POU2F1: variants seen among roughly 807,000 people sequenced by gnomAD.
The protein encoded by POU2F1 is POU class 2 homeobox 1.
POU2F1 carries 16 observed loss-of-function variants against 84.9 expected under a neutral mutation model. The ratio of observed to expected loss-of-function variants is 0.19; its 90% CI spans 0.13 to 0.29. The LOEUF (loss-of-function observed/expected upper bound fraction) is 0.29, where lower values mean the gene tolerates loss of function less well. Ranked by LOEUF, POU2F1 falls within the 10% of genes least tolerant of loss-of-function variation. The pLI is 1.00. For missense variants in POU2F1, 738 were observed against 942.6 expected, an observed-to-expected ratio of 0.78 and a Z score of 2.84; for synonymous variants, 368 against 368.3, an observed-to-expected ratio of 1.00 and a Z score of 0.01.
Position 167,374,155 on chromosome 1 carries a change from G to A in POU2F1, c.450G>A (p.Gln150=), listed in dbSNP as rs1230592840. 6.2e-7 allele frequency: 1 copy of A among 1,614,110 alleles called. No individual in the cohort carries two copies. The highest frequency in any genetic ancestry group is 2.2e-5 in the East Asian group (1 of 44,874). The change falls in exon 6 of 16, where the codon CAG becomes CAA. Residue 150 remains glutamine (Q), a synonymous_variant. Coordinates refer to ENST00000367866, the MANE Select transcript of POU2F1 (RefSeq NM_002697.4). ...AACAGTTACTACTCCAGCAGGCACA[G>A]GCACAGGCACAGCTGCTGGCTGCTG... is the stretch of plus-strand genomic sequence containing the variant. ...AQQQLLLQQA[Q]AQAQLLAAAV...
chr1:167,348,268 C>A (rs145115646), intron 2 of POU2F1, among the ~76,000 whole-genome samples: 1 of 152,164 alleles, frequency 6.6e-6, no homozygotes, highest in Non-Finnish European at 1.5e-5. Flanking sequence ...AGAAAAGGTA[C>A]AGTAAAAATA....
At chr1:167,245,604 G>A (rs1315535669) in intron 1 of POU2F1, among the ~76,000 whole-genome samples, 1 of 151,894 alleles carries the variant, frequency 6.6e-6, no homozygotes, top group Non-Finnish European at 1.5e-5. Flanking sequence ...GTAGAGACGG[G>A]GTTTCTCCAC....
rs1338613343 is a variant in POU2F1, at chr1:167,425,461, G to A, written c.*9651G>A. 5 of 152,286 alleles carry A rather than the reference G, an allele frequency of 3.3e-5. No individual in the cohort carries two copies. The highest frequency in any genetic ancestry group is 7.3e-5 in the Non-Finnish European group (5 of 68,086). The allele number at this position is 152,286 out of a possible 1,614,324, so 9.4% of individuals were successfully genotyped here. ...GCTGCTTACCACCTTCCAGGGTCCA[G>A]CACAGGTGCATGCCCCTAGCTTTGG... On this transcript the variant is annotated 3_prime_UTR_variant, in exon 16 of 16. Coordinates refer to ENST00000367866, the MANE Select transcript of POU2F1 (RefSeq NM_002697.4).
chr1:167,403,350 GC>G (rs1316161732), intron 13 of POU2F1, among the ~76,000 whole-genome samples: 2 of 152,194 alleles, frequency 1.3e-5, no homozygotes, highest in African/African-American at 4.8e-5. Flanking sequence ...CTCAGGCTCT[GC>G]CTGGACACCT....
chr1:167,413,060 A>C lies in POU2F1; in HGVS notation c.1936A>C (p.Ser646Arg). Residue 646 changes from serine to arginine, a missense_variant, in exon 15 of 16, where the codon AGC becomes CGC. Ser to Arg is a moderately radical substitution (Grantham distance 110, BLOSUM62 -1). Around this residue, in one of 4 missense-constraint regions of POU2F1, gnomAD observed 319 missense variants for 386.0 expected, o/e 0.83. Coordinates refer to ENST00000367866, the MANE Select transcript of POU2F1 (RefSeq NM_002697.4). ...ALLSLNPGTL[S>R]GALSPALMSN... ...ACTCAGTCTGAATCCAGGGACCCTG[A>C]GCGGTGCTCTCAGCCCAGCTCTAAT... The C allele has an allele frequency of 1.9e-6, 3 of 1,614,158 alleles. No individual in the cohort carries two copies. Among genetic ancestry groups the C allele is most frequent in the Non-Finnish European group, 2.5e-6 (3 of 1,180,014 alleles).
intron 1 of POU2F1, among the ~76,000 whole-genome samples, chr1:167,230,621 T>C (rs1419711068): frequency 6.6e-6 from 1 of 152,168 alleles, no homozygotes; most frequent in Non-Finnish European, 1.5e-5. Flanking sequence ...TTTCTTTATC[T>C]CCACAAATAG....
At chr1:167,367,845 A>C (rs899130737) in intron 3 of POU2F1, among the ~76,000 whole-genome samples, 1 of 151,494 alleles carries the variant, frequency 6.6e-6, no homozygotes, top group Non-Finnish European at 1.5e-5. Flanking sequence ...TTGATCTGCA[A>C]CTCCTGAGCT....
intron 1 of POU2F1, among the ~76,000 whole-genome samples, chr1:167,267,477 C>T (rs1160079398): frequency 2.0e-5 from 3 of 152,024 alleles, no homozygotes; most frequent in African/African-American, 7.2e-5. Flanking sequence ...TGTATTAGTA[C>T]ATAGCTACCG....
At position 167,421,262 on chromosome 1, in the gene POU2F1, G is replaced by C. The variant is rs936749823; in HGVS notation, c.*5452G>C. On this transcript the variant is annotated 3_prime_UTR_variant, in exon 16 of 16. Coordinates refer to ENST00000367866, the MANE Select transcript of POU2F1 (RefSeq NM_002697.4). Reference sequence around the variant, plus strand: ...ATCAGCTATTATATAGGTTTGCATGGATGGTGTCCACAATACAAATGTAAA... The same window carrying C: ...ATCAGCTATTATATAGGTTTGCATGCATGGTGTCCACAATACAAATGTAAA... 2 of 152,318 alleles carry C rather than the reference G, an allele frequency of 1.3e-5. No individual in the cohort carries two copies. Among genetic ancestry groups the C allele is most frequent in the South Asian group, 4.1e-4 (2 of 4,824 alleles). 9.4% of individuals were successfully genotyped at this position (152,318 alleles called of 1,614,324 possible). A position where few individuals can be genotyped will look rare whatever the true frequency, so the allele number is the denominator to read the frequency against.
At chr1:167,410,972 C>G (rs914906167) in intron 13 of POU2F1, among the ~76,000 whole-genome samples, 2 of 151,992 alleles carry the variant, frequency 1.3e-5, no homozygotes, top group Admixed American at 1.3e-4. Flanking sequence ...TCATTTATAT[C>G]CAAATGTTCA....
In POU2F1 at chr1:167,378,379, G is replaced by A. The variant is rs1226521680; in HGVS notation, c.718+2224G>A. Among the ~76,000 whole-genome samples, 3 of 149,422 alleles carry A rather than the reference G, an allele frequency of 2.0e-5. No individual in the cohort carries two copies. In the East Asian group the frequency reaches 5.9e-4, roughly 29 times the overall value. The stretch of plus-strand genomic sequence containing the variant: ...GCCTCCCAAGTAGCTGGGATTACAG[G>A]CATGCGCCACCATGCCCAGCTAATT... On this transcript the variant is annotated intron_variant, in intron 7 of 15. Transcript: ENST00000367866.
intron 1 of POU2F1, among the ~76,000 whole-genome samples, chr1:167,268,873 A>G (rs757075258): frequency 2.6e-5 from 4 of 152,216 alleles, no homozygotes; most frequent in African/African-American, 4.8e-5. Context: ...GTTGTTCTCT[A>G]TTCTCTGTCT....
chr1:167,316,695 G>A (rs1214291913), intron 1 of POU2F1, among the ~76,000 whole-genome samples: 2 of 152,152 alleles, frequency 1.3e-5, no homozygotes, highest in African/African-American at 2.4e-5. Flanking sequence ...ACAGATTCTG[G>A]AAGCCTGAGT....
chr1:167,331,179 A>G (rs1446614930), intron 1 of POU2F1, among the ~76,000 whole-genome samples: 1 of 152,140 alleles, frequency 6.6e-6, no homozygotes, highest in African/African-American at 2.4e-5. Flanking sequence ...AAGTTATGAC[A>G]GAACTGCCTA....
intron 1 of POU2F1, among the ~76,000 whole-genome samples, chr1:167,239,486 A>G (rs1248291400): frequency 5.3e-5 from 8 of 152,226 alleles, no homozygotes; most frequent in African/African-American, 1.9e-4. Context: ...TTCGTACCAC[A>G]GGTATACATA....
Position 167,230,499 on chromosome 1 carries a change from C to T in POU2F1, c.61+9541C>T, listed in dbSNP as rs1648989907. Among the ~76,000 whole-genome samples the T allele has an allele frequency of 3.3e-5, 5 of 152,196 alleles. No homozygotes were observed. The South Asian group carries it at 1.0e-3, about 32-fold the overall frequency. On this transcript the variant is annotated intron_variant, in intron 1 of 15. Transcript: ENST00000367866. The stretch of plus-strand genomic sequence containing the variant: ...ATATTGGAGCAAGAAAAGCATTTTC[C>T]TCCTCCTTTCCACAGTAGCTTTTGA...
intron 1 of POU2F1, among the ~76,000 whole-genome samples, chr1:167,267,716 A>G (rs1652075219): frequency 7.9e-6 from 1 of 126,912 alleles, no homozygotes; most frequent in Non-Finnish European, 1.5e-5. Flanking sequence ...ATCTTGACTC[A>G]CTGCAAGCTC....
At chr1:167,266,704 A>G (rs971801242) in intron 1 of POU2F1, among the ~76,000 whole-genome samples, 11 of 151,190 alleles carry the variant, frequency 7.3e-5, no homozygotes, top group Middle Eastern at 6.8e-3. Context: ...GCTCACTGCA[A>G]TCTCCACCTG....
chr1:167,245,408 C>T (rs956132282), intron 1 of POU2F1, among the ~76,000 whole-genome samples: 2 of 149,074 alleles, frequency 1.3e-5, no homozygotes, highest in African/African-American at 2.5e-5. Context: ...CCATGCCTGG[C>T]TAATTTTTTT....
Sources: gnomAD v4.1 joint callset for allele counts (sites outside exome capture counted in the v4.1 genomes callset) on GRCh38, gnomAD v4.1.1 for gene constraint, gnomAD v4.1.1 regional missense constraint, MANE v1.5 for transcripts, NCBI Gene and HGNC (gene_info 2026-07-23, HGNC 2026-07-21) for gene names.